FHIT: variants seen among roughly 807,000 people sequenced by gnomAD.
The protein encoded by FHIT is bis(5'-adenosyl)-triphosphatase.
In FHIT, 19 loss-of-function variants were observed where a neutral mutation model predicts 17.9. That is an observed-to-expected ratio of 1.06 (90% CI 0.74 to 1.56). FHIT has a LOEUF of 1.56. Ranked by LOEUF, FHIT falls within the 40% of genes most tolerant of loss-of-function variation. FHIT has a pLI of 0.00. For missense variants in FHIT, 248 were observed against 189.2 expected (o/e 1.31, Z -1.82); for synonymous variants, 81 against 69.7 (o/e 1.16, Z -0.81).
chr3:60,022,386 T>C (rs913025833), intron 5 of FHIT, among the ~76,000 whole-genome samples: 2 of 152,178 alleles, frequency 1.3e-5, no homozygotes, highest in Non-Finnish European at 2.9e-5. Flanking sequence ...ACCCTTGCAG[T>C]TGGGTGAAGC....
At position 59,752,216 on chromosome 3, in the gene FHIT, T is replaced by C. The variant is rs1290283984; in HGVS notation, c.*5+5A>G. 1.2e-6 allele frequency: 2 copies of C among 1,604,330 alleles called. No homozygotes were observed. The highest frequency in any genetic ancestry group is 8.5e-7 in the Non-Finnish European group (1 of 1,171,986). On this transcript the variant is annotated splice_donor_5th_base_variant and intron_variant, in intron 9 of 9. Transcript: ENST00000492590. ...GTCTGGGTAATGACGAAATGCAGTC[T>C]TTACCTGTGTCACTGAAAGTAGACC... is the stretch of plus-strand genomic sequence containing the variant.
At chr3:60,000,075 A>G (rs891941517) in intron 7 of FHIT, among the ~76,000 whole-genome samples, 2 of 152,198 alleles carry the variant, frequency 1.3e-5, no homozygotes, top group African/African-American at 2.4e-5. Context: ...GATGGCTGCT[A>G]GAAGCTGTCA....
At chr3:59,859,011 G>A (rs1397957328) in intron 8 of FHIT, among the ~76,000 whole-genome samples, 1 of 152,192 alleles carries the variant, frequency 6.6e-6, no homozygotes, top group African/African-American at 2.4e-5. Flanking sequence ...CAATAAGCAT[G>A]CTAAGCACCC....
At chr3:60,971,080 A>C (rs889328662) in intron 3 of FHIT, among the ~76,000 whole-genome samples, 1 of 152,196 alleles carries the variant, frequency 6.6e-6, no homozygotes. Context: ...AAAAATAATG[A>C]TAATGGGCCA....
At chr3:61,202,239 C>G (rs2039043309) in intron 1 of FHIT, among the ~76,000 whole-genome samples, 1 of 151,858 alleles carries the variant, frequency 6.6e-6, no homozygotes, top group African/African-American at 2.4e-5. Context: ...TGAGGAGCGC[C>G]TCTGCCCGGC....
In FHIT at chr3:60,422,158, C is replaced by T. The variant is rs185424789; in HGVS notation, c.103+114702G>A. Among the ~76,000 whole-genome samples the T allele has an allele frequency of 1.5e-4, 23 of 152,194 alleles. 1 individual carries two copies. Among genetic ancestry groups the T allele is most frequent in the Admixed American group, 1.3e-3 (20 of 15,280 alleles). On this transcript the variant is annotated intron_variant, in intron 5 of 9. Coordinates refer to ENST00000492590, the MANE Select transcript of FHIT (RefSeq NM_002012.4). The stretch of plus-strand genomic sequence containing the variant: ...TATAAGCAGCAGATTTTTTGAGTGC[C>T]CCCATATGACTCCAGGTTTCAAATG...
chr3:60,359,101 A>C (rs1260934238), intron 5 of FHIT, among the ~76,000 whole-genome samples: 1 of 152,062 alleles, frequency 6.6e-6, no homozygotes, highest in East Asian at 1.9e-4. Flanking sequence ...GAGCCAAATC[A>C]CATGCATTAT....
intron 8 of FHIT, among the ~76,000 whole-genome samples, chr3:59,918,759 C>T (rs916488715): frequency 1.3e-5 from 2 of 152,188 alleles, no homozygotes; most frequent in Non-Finnish European, 2.9e-5. Flanking sequence ...GTCGTGGCAA[C>T]TGTATAGGCC....
intron 3 of FHIT, among the ~76,000 whole-genome samples, chr3:61,039,073 A>T (rs1011855103): frequency 1.3e-5 from 2 of 151,870 alleles, no homozygotes; most frequent in East Asian, 3.9e-4. Context: ...ATCACTTAAA[A>T]ATATATATAT....
intron 7 of FHIT, among the ~76,000 whole-genome samples, chr3:59,979,893 A>C (rs1708576873): frequency 6.6e-6 from 1 of 152,178 alleles, no homozygotes; most frequent in Non-Finnish European, 1.5e-5. Flanking sequence ...AGACTGAGGA[A>C]ATCTGGGAGA....
intron 3 of FHIT, among the ~76,000 whole-genome samples, chr3:60,986,342 G>A (rs1559888423): frequency 6.6e-6 from 1 of 152,184 alleles, no homozygotes; most frequent in East Asian, 1.9e-4. Flanking sequence ...AGAGGTTGCA[G>A]AGGCTGGAAT....
At chr3:60,707,051 G>T (rs1199921619) in intron 4 of FHIT, among the ~76,000 whole-genome samples, 1 of 152,108 alleles carries the variant, frequency 6.6e-6, no homozygotes, top group African/African-American at 2.4e-5. Context: ...CTACATTTTT[G>T]ACATTTACTT....
chr3:60,878,637 C>T (rs535819530), intron 3 of FHIT, among the ~76,000 whole-genome samples: 2 of 152,000 alleles, frequency 1.3e-5, no homozygotes, highest in Non-Finnish European at 2.9e-5. Flanking sequence ...CTATCCCTCC[C>T]CCTGCCCCCA....
intron 5 of FHIT, among the ~76,000 whole-genome samples, chr3:60,527,627 G>T (rs1202924293): frequency 6.6e-6 from 1 of 152,130 alleles, no homozygotes; most frequent in African/African-American, 2.4e-5. Flanking sequence ...AGTCACTAAG[G>T]TTGGTCTTAT....
At chr3:60,652,943 CAAAACAAAACA>C (rs2040028649) in intron 4 of FHIT, among the ~76,000 whole-genome samples, 2 of 150,738 alleles carry the variant, frequency 1.3e-5, no homozygotes, top group South Asian at 4.3e-4. Context: ...CAAAACAAAA[CAAAACAAAACA>C]AAACCTTACT....
At chr3:60,391,101 T>C (rs1271860406) in intron 5 of FHIT, among the ~76,000 whole-genome samples, 1 of 151,956 alleles carries the variant, frequency 6.6e-6, no homozygotes, top group African/African-American at 2.4e-5. Flanking sequence ...AGGACGAGAA[T>C]TGCTTGAACC....
chr3:60,480,402 A>G (rs1391594376), intron 5 of FHIT, among the ~76,000 whole-genome samples: 2 of 152,176 alleles, frequency 1.3e-5, no homozygotes, highest in African/African-American at 4.8e-5. Flanking sequence ...TCAAAAGGCA[A>G]TCATGCCTTC....
At chr3:59,901,478 T>C (rs9881953) in intron 8 of FHIT, among the ~76,000 whole-genome samples, 9,035 of 152,100 alleles carry the variant, frequency 0.059, 626 homozygotes, top group African/African-American at 0.17. Flanking sequence ...GAATAGACAT[T>C]CCTCCAAAGA....
At chr3:60,952,174 C>A (rs6783289) in intron 3 of FHIT, among the ~76,000 whole-genome samples, 37,762 of 135,648 alleles carry the variant, frequency 0.28, 5,667 homozygotes, top group East Asian at 0.62. Flanking sequence ...TCCCCACCCC[C>A]CCCCCAAAAA....
Sources: allele counts gnomAD v4.1 joint callset (sites outside exome capture counted in the v4.1 genomes callset), GRCh38; gene constraint gnomAD v4.1.1; transcripts MANE v1.5; gene names NCBI Gene and HGNC (gene_info 2026-07-23, HGNC 2026-07-21).